Variants in CECR2 observed in about 807,000 individuals in gnomAD.
CECR2 encodes CECR2 histone acetyl-lysine reader.
In CECR2, 30 loss-of-function variants were observed where a neutral mutation model predicts 154.5. That is an observed-to-expected ratio of 0.19 (90% CI 0.15 to 0.26). The LOEUF (loss-of-function observed/expected upper bound fraction) is 0.26. Ranked by LOEUF, CECR2 falls within the 10% of genes least tolerant of loss-of-function variation. CECR2 has a pLI of 1.00. For synonymous variants in CECR2, 725 were observed against 683.7 expected, an observed-to-expected ratio of 1.06 and a Z score of -0.94; for missense variants, 1,743 against 1,829.3, an observed-to-expected ratio of 0.95 and a Z score of 0.86.
At chr22:17,528,102 A>C (rs1164717647) in intron 9 of CECR2, among the ~76,000 whole-genome samples, 3 of 152,060 alleles carry the variant, frequency 2.0e-5, no homozygotes, top group Non-Finnish European at 2.9e-5. Context: ...AGATAACTAC[A>C]CTCCCATATT....
chr22:17,430,181 C>T (rs192674591), intron 1 of CECR2, among the ~76,000 whole-genome samples: 5 of 152,278 alleles, frequency 3.3e-5, no homozygotes, highest in African/African-American at 1.2e-4. Flanking sequence ...ATCATTTTAT[C>T]TGCATTACTT....
chr22:17,482,470 C>G (rs1045753023), intron 2 of CECR2, among the ~76,000 whole-genome samples: 8 of 152,150 alleles, frequency 5.3e-5, no homozygotes, highest in Non-Finnish European at 1.5e-5. Context: ...GTAAACAACT[C>G]TTACTGGTTT....
chr22:17,448,772 A>G (rs2054717931), intron 1 of CECR2, among the ~76,000 whole-genome samples: 1 of 152,178 alleles, frequency 6.6e-6, no homozygotes, highest in South Asian at 2.1e-4. Flanking sequence ...TAAATGTAAT[A>G]GTGGATCCTT....
chr22:17,551,931 G>T, intron 17 of CECR2, 100 bp from the exon 18 acceptor site: 1 of 1,083,670 alleles, frequency 9.2e-7, no homozygotes, highest in South Asian at 1.4e-5. Context: ...CCTGATCACC[G>T]GGGTGATGAA....
chr22:17,483,745 C>CAT (rs2055370424), intron 2 of CECR2, among the ~76,000 whole-genome samples: 1 of 151,964 alleles, frequency 6.6e-6, no homozygotes, highest in Admixed American at 6.6e-5. Flanking sequence ...TTAAAATAAA[C>CAT]ATAGTATAGC....
Position 17,482,101 on chromosome 22 carries a change from C to T in CECR2, c.221+4419C>T, listed in dbSNP as rs368683722. Reference sequence around the variant, plus strand: ...CTGCTCTCCAGCCTGGGTGACAGATCGAGACTCTGTCTCCAAAAAAAAAAA... The same window carrying T: ...CTGCTCTCCAGCCTGGGTGACAGATTGAGACTCTGTCTCCAAAAAAAAAAA... On this transcript the variant is annotated intron_variant, in intron 2 of 18. Coordinates refer to ENST00000262608, the MANE Select transcript of CECR2 (RefSeq NM_001290047.2). Among the ~76,000 whole-genome samples the T allele has an allele frequency of 4.0e-4, 42 of 104,336 alleles. No individual in the cohort carries two copies. The East Asian group carries it at 7.0e-3, about 17-fold the overall frequency. The allele number at this position is 104,336 out of a possible 152,430, so 68.4% of individuals were successfully genotyped here.
At chr22:17,433,671 T>A (rs1200101900) in intron 1 of CECR2, among the ~76,000 whole-genome samples, 1 of 152,138 alleles carries the variant, frequency 6.6e-6, no homozygotes, top group Non-Finnish European at 1.5e-5. Context: ...GGTCTTGAAC[T>A]TTGGAACTCA....
In CECR2 at chr22:17,549,474, G is replaced by A. The variant is rs1422680675; in HGVS notation, c.4187G>A (p.Gly1396Asp). 6 of 1,610,780 alleles carry A rather than the reference G, an allele frequency of 3.7e-6. No individual in the cohort carries two copies. The highest frequency in any genetic ancestry group is 5.1e-6 in the Non-Finnish European group (6 of 1,178,398). ...EGPIYRCQEE[G>D]LGHFQAVMME... ...CCCATCTATCGCTGCCAGGAAGAAG[G>A]CCTGGGTCACTTTCAAGCTGTGATG... is the stretch of plus-strand genomic sequence containing the variant. The change falls in exon 17 of 19, where the codon GGC becomes GAC. Residue 1396 changes from glycine to aspartate, a missense_variant. This residue lies in a region of CECR2 where 1,250 missense variants were observed against 1,192.1 expected (regional missense o/e 1.05). Transcript: ENST00000262608.
At chr22:17,386,973 A>C (rs2063270442) in intron 1 of CECR2, among the ~76,000 whole-genome samples, 1 of 152,174 alleles carries the variant, frequency 6.6e-6, no homozygotes, top group Non-Finnish European at 1.5e-5. Context: ...TTCTTTCATT[A>C]GAATTTTAGA....
chr22:17,363,075 A>C (rs1028837866), intron 1 of CECR2, among the ~76,000 whole-genome samples: 1 of 148,488 alleles, frequency 6.7e-6, no homozygotes, highest in Non-Finnish European at 1.5e-5. Context: ...TTTGAGACAG[A>C]GTCTTGCTCT....
At chr22:17,431,332 A>G (rs945417834) in intron 1 of CECR2, among the ~76,000 whole-genome samples, 1 of 152,212 alleles carries the variant, frequency 6.6e-6, no homozygotes, top group African/African-American at 2.4e-5. Context: ...AATGAAGACA[A>G]TACTACTCAC....
At chr22:17,370,350 A>C (rs1270721304) in intron 1 of CECR2, among the ~76,000 whole-genome samples, 1 of 142,818 alleles carries the variant, frequency 7.0e-6, no homozygotes. Context: ...ATTAACTCGG[A>C]CCGGGGCGGG....
intron 2 of CECR2, among the ~76,000 whole-genome samples, chr22:17,478,816 G>A (rs1045914733): frequency 2.6e-5 from 4 of 152,116 alleles, no homozygotes; most frequent in East Asian, 1.9e-4. Flanking sequence ...GTTATTGCTC[G>A]TGCACTAAGT....
intron 16 of CECR2, among the ~76,000 whole-genome samples, chr22:17,544,836 A>T (rs695639): frequency 1.4e-5 from 2 of 139,202 alleles, no homozygotes; most frequent in Non-Finnish European, 3.1e-5. Context: ...AAAAAAAAAA[A>T]GGTTCATGCC....
At chr22:17,365,925 T>G (rs1030364673), upstream of CECR2, among the ~76,000 whole-genome samples, 3 of 151,400 alleles carry the variant, frequency 2.0e-5, no homozygotes, top group South Asian at 2.1e-4. Flanking sequence ...AATCCCAACA[T>G]AGCTAACATT....
rs562516748 is a variant in CECR2 at position 17,381,752 on chromosome 22, G to A, written c.126+11843G>A. Among the ~76,000 whole-genome samples the A allele has an allele frequency of 3.5e-4, 53 of 152,238 alleles. No individual in the cohort carries two copies. The South Asian group carries it at 4.8e-3, about 14-fold the overall frequency. ...TATGTTGTTTGCCCAGTGAGCGATA[G>A]GGAATATAATTGCTGTAAGAGTTCA... On this transcript the variant is annotated intron_variant, in intron 1 of 18. Transcript: ENST00000262608.
intron 1 of CECR2, among the ~76,000 whole-genome samples, chr22:17,383,706 G>C (rs529742466): frequency 3.9e-5 from 5 of 129,754 alleles, no homozygotes; most frequent in Non-Finnish European, 7.7e-5. Context: ...CTATTGCCCA[G>C]GCTGGAGCGC....
At chr22:17,397,461 A>T (rs1248672867) in intron 1 of CECR2, among the ~76,000 whole-genome samples, 1 of 151,946 alleles carries the variant, frequency 6.6e-6, no homozygotes, top group African/African-American at 2.4e-5. Context: ...AAAAATTTGT[A>T]TTTGAATCTA....
At chr22:17,458,826 G>C (rs1296268683) in intron 1 of CECR2, among the ~76,000 whole-genome samples, 2 of 152,096 alleles carry the variant, frequency 1.3e-5, no homozygotes, top group African/African-American at 4.8e-5. Flanking sequence ...TGAGTTTACT[G>C]TTTGTATTAC....
Sources: gnomAD v4.1 joint callset for allele counts (sites outside exome capture counted in the v4.1 genomes callset) on GRCh38, gnomAD v4.1.1 for gene constraint, gnomAD v4.1.1 regional missense constraint, MANE v1.5 for transcripts, NCBI Gene and HGNC (gene_info 2026-07-23, HGNC 2026-07-21) for gene names.